KIAA0825: variants seen among roughly 807,000 people sequenced by gnomAD.
KIAA0825 encodes the protein KIAA0825.
Under a neutral mutation model 147.6 loss-of-function variants are expected in KIAA0825, and 119 were observed. The ratio of observed to expected loss-of-function variants is 0.81; its 90% confidence interval spans 0.69 to 0.94. KIAA0825 has a LOEUF of 0.94. Among genes scored for constraint, KIAA0825 ranks in the 40% least tolerant of loss-of-function variants. KIAA0825 has a pLI of 0.00. For missense variants in KIAA0825, 1,381 were observed against 1,472.7 expected, an observed-to-expected ratio of 0.94 and a Z score of 1.02; for synonymous variants, 470 against 518.1, an observed-to-expected ratio of 0.91 and a Z score of 1.26.
chr5:94,200,107 G>A (rs1360771808), intron 20 of KIAA0825, among the ~76,000 whole-genome samples: 1 of 152,176 alleles, frequency 6.6e-6, no homozygotes, highest in African/African-American at 2.4e-5. Flanking sequence ...CACTGCAGCT[G>A]TCCCCACGCC....
At chr5:94,574,136 A>G (rs184623151) in intron 2 of KIAA0825, among the ~76,000 whole-genome samples, 391 of 152,270 alleles carry the variant, frequency 2.6e-3, no homozygotes, top group African/African-American at 9.2e-3. Flanking sequence ...AAAGGTTGGG[A>G]GCCAGTGATC....
rs1449664800 is a variant in KIAA0825, at chr5:94,608,441, A to ATGTGTGTGTATATGTGTGTG, written c.-153+10058_-153+10059insCACACACATATACACACACA. 1.3e-4 allele frequency among the ~76,000 whole-genome samples: 5 copies of ATGTGTGTGTATATGTGTGTG among 37,972 alleles called. 1 individual carries two copies. The highest frequency in any genetic ancestry group is 5.6e-4 in the African/African-American group (4 of 7,172). 24.9% of individuals were successfully genotyped at this position (37,972 alleles called of 152,430 possible). ...CACACCTGGCTAATTTTGTGTGTGT[A>ATGTGTGTGTATATGTGTGTG]TGTGTGTGTGTATATATATATATTA... On this transcript the variant is annotated intron_variant, in intron 1 of 20. Coordinates refer to ENST00000682413, the MANE Select transcript of KIAA0825 (RefSeq NM_001145678.3).
At chr5:94,391,756 A>G in intron 17 of KIAA0825, 62 bp from the exon 18 acceptor site, 1 of 1,282,708 alleles carries the variant, frequency 7.8e-7, no homozygotes, top group Non-Finnish European at 1.1e-6. Flanking sequence ...GAGAGTAATC[A>G]TGGAGATGGA....
At chr5:94,607,124 T>C (rs1055590170) in intron 1 of KIAA0825, among the ~76,000 whole-genome samples, 15 of 152,132 alleles carry the variant, frequency 9.9e-5, no homozygotes, top group African/African-American at 3.4e-4. Context: ...TTAACTTTTA[T>C]ATCCCATTTC....
chr5:94,502,133 T>C (rs1370815006), intron 5 of KIAA0825, among the ~76,000 whole-genome samples: 1 of 152,052 alleles, frequency 6.6e-6, no homozygotes, highest in Non-Finnish European at 1.5e-5. Context: ...GGGTTAAGGG[T>C]AGGTAAGGTA....
At chr5:94,597,515 T>TAATTTTATGCTCTTTCA (rs1408335807) in intron 1 of KIAA0825, among the ~76,000 whole-genome samples, 1 of 152,146 alleles carries the variant, frequency 6.6e-6, no homozygotes, top group Admixed American at 6.5e-5. Context: ...TGCATAAAAG[T>TAATTTTATGCTCTTTCA]GTTTGAAAGT....
Position 94,569,741 on chromosome 5 carries a change from C to A in KIAA0825, c.-2+12692G>T. 3 of 284,876 alleles carry A rather than the reference C, an allele frequency of 1.1e-5. No homozygotes were observed. The South Asian group carries it at 4.6e-4, about 44-fold the overall frequency. 17.6% of individuals were successfully genotyped at this position (284,876 alleles called of 1,614,324 possible). ...TTCAACCGCCTTCTCATCAATCGCC[C>A]ACATCACCTGAGACGTAAACCATGG... On this transcript the variant is annotated intron_variant, in intron 2 of 20. Transcript: ENST00000682413.
chr5:94,414,724 G>C (rs1753219537), intron 15 of KIAA0825: 1 of 152,206 alleles, frequency 6.6e-6, no homozygotes, highest in Non-Finnish European at 1.5e-5. Context: ...CCCCTAGACT[G>C]CAGACCAGTA....
intron 1 of KIAA0825, among the ~76,000 whole-genome samples, chr5:94,604,114 A>G (rs1787033662): frequency 6.6e-6 from 1 of 152,236 alleles, no homozygotes; most frequent in East Asian, 1.9e-4. Flanking sequence ...TTCAAACACA[A>G]CAGAATCATA....
intron 2 of KIAA0825, among the ~76,000 whole-genome samples, chr5:94,542,525 G>T (rs143177481): frequency 6.6e-6 from 1 of 152,082 alleles, no homozygotes; most frequent in Non-Finnish European, 1.5e-5. Context: ...ATCTGTTTTC[G>T]GCCGGGCACA....
chr5:94,610,103 A>G (rs1788411636), intron 1 of KIAA0825, among the ~76,000 whole-genome samples: 2 of 152,184 alleles, frequency 1.3e-5, no homozygotes, highest in Admixed American at 6.5e-5. Context: ...TAAAGTTTGA[A>G]AAGTCAAGGA....
chr5:94,598,928 A>G (rs1020940566), intron 1 of KIAA0825, among the ~76,000 whole-genome samples: 1 of 152,144 alleles, frequency 6.6e-6, no homozygotes, highest in African/African-American at 2.4e-5. Context: ...GTGCTGCAAT[A>G]AACATGGGGG....
rs117097546 is a variant in KIAA0825 at position 94,167,079 on chromosome 5, C to T, written c.3711-12955G>A. Among the ~76,000 whole-genome samples the T allele has an allele frequency of 2.0e-3, 311 of 152,214 alleles. 9 individuals are homozygous for T. The East Asian group carries it at 0.058, about 29-fold the overall frequency. On this transcript the variant is annotated intron_variant, in intron 20 of 20. Coordinates refer to ENST00000682413, the MANE Select transcript of KIAA0825 (RefSeq NM_001145678.3). The stretch of plus-strand genomic sequence containing the variant: ...AGTAACTCCATTACACCCCCCTCCT[C>T]ACCCCAAGAAAAACCATAGGATTAA...
chr5:94,201,303 A>T (rs1273029271), intron 20 of KIAA0825, among the ~76,000 whole-genome samples: 1 of 151,758 alleles, frequency 6.6e-6, no homozygotes, highest in African/African-American at 2.4e-5. Flanking sequence ...ATGTAAGATT[A>T]AATTAATTAA....
chr5:94,477,438 C>T (rs545789021), intron 6 of KIAA0825, among the ~76,000 whole-genome samples: 1 of 151,962 alleles, frequency 6.6e-6, no homozygotes, highest in Admixed American at 6.5e-5. Context: ...TCCTTTTTCA[C>T]ATAAAACTTG....
intron 18 of KIAA0825, among the ~76,000 whole-genome samples, chr5:94,389,835 A>T (rs1019201556): frequency 1.2e-4 from 18 of 152,160 alleles, no homozygotes; most frequent in African/African-American, 4.3e-4. Context: ...AGGCAAAGGT[A>T]CCTTTCTTTG....
At chr5:94,574,760 G>T (rs573898970) in intron 2 of KIAA0825, among the ~76,000 whole-genome samples, 1 of 151,802 alleles carries the variant, frequency 6.6e-6, no homozygotes, top group East Asian at 1.9e-4. Context: ...GTCTTACTTT[G>T]TCACCCAGGC....
intron 20 of KIAA0825, among the ~76,000 whole-genome samples, chr5:94,301,390 A>G (rs1778394791): frequency 6.6e-6 from 1 of 150,748 alleles, no homozygotes; most frequent in African/African-American, 2.4e-5. Context: ...AAATAAATAT[A>G]TATATATATA....
At chr5:94,349,496 A>G (rs562555944) in intron 20 of KIAA0825, among the ~76,000 whole-genome samples, 1 of 152,348 alleles carries the variant, frequency 6.6e-6, no homozygotes, top group African/African-American at 2.4e-5. Flanking sequence ...ATTCAACAGT[A>G]CATGGAACTT....
Sources: allele counts gnomAD v4.1 joint callset (sites outside exome capture counted in the v4.1 genomes callset), GRCh38; gene constraint gnomAD v4.1.1; transcripts MANE v1.5; gene names NCBI Gene and HGNC (gene_info 2026-07-23, HGNC 2026-07-21).